VWA8: variants seen among roughly 807,000 people sequenced by gnomAD.
VWA8 encodes the protein von Willebrand factor A domain containing 8, also known as von Willebrand factor A domain-containing protein 8.
VWA8 carries 221 observed loss-of-function variants against 241.5 expected under a neutral mutation model. The observed-to-expected ratio is 0.91, with a 90% CI of 0.82 to 1.02. VWA8 has a LOEUF of 1.02. Ranked by LOEUF, VWA8 falls within the 50% of genes least tolerant of loss-of-function variation. The probability of loss-of-function intolerance (pLI) is 0.00; values close to 1 mark genes in which losing one functional copy is unlikely to be tolerated. For missense variants in VWA8, 2,322 were observed against 2,328.7 expected, an observed-to-expected ratio of 1.00 and a Z score of 0.06; for synonymous variants, 852 against 827.1, an observed-to-expected ratio of 1.03 and a Z score of -0.52.
chr13:41,581,936 T>A (rs1236326122), intron 42 of VWA8, among the ~76,000 whole-genome samples: 4 of 152,174 alleles, frequency 2.6e-5, no homozygotes, highest in African/African-American at 9.7e-5. Flanking sequence ...AGGAAAAAAA[T>A]GCTTCTTGAT....
At chr13:41,664,360 G>A (rs2044972358) in intron 37 of VWA8, among the ~76,000 whole-genome samples, 1 of 149,396 alleles carries the variant, frequency 6.7e-6, no homozygotes, top group Non-Finnish European at 1.5e-5. Flanking sequence ...TATCCATGGG[G>A]TTCTAAAATT....
intron 21 of VWA8, among the ~76,000 whole-genome samples, chr13:41,749,804 A>G (rs1454838258): frequency 7.0e-6 from 1 of 141,902 alleles, no homozygotes; most frequent in Non-Finnish European, 1.5e-5. Flanking sequence ...GAAATGAACA[A>G]TGTGGTGGGA....
chr13:41,920,148 A>G (rs1040246667), intron 2 of VWA8, among the ~76,000 whole-genome samples: 3 of 152,168 alleles, frequency 2.0e-5, no homozygotes, highest in African/African-American at 7.2e-5. Flanking sequence ...GAGTGTCACC[A>G]TCCCAGCATC....
intron 12 of VWA8, among the ~76,000 whole-genome samples, chr13:41,843,683 GA>G (rs577988929): frequency 6.0e-4 from 91 of 151,624 alleles, no homozygotes; most frequent in African/African-American, 2.0e-3. Flanking sequence ...CAGAAATACA[GA>G]TCATCAATCA....
chr13:41,919,631 C>T (rs540281123), intron 2 of VWA8, among the ~76,000 whole-genome samples: 1 of 152,202 alleles, frequency 6.6e-6, no homozygotes, highest in African/African-American at 2.4e-5. Flanking sequence ...CTGCTCCATC[C>T]CCTGCATCCC....
chr13:41,592,164 T>C (rs1175581811), intron 40 of VWA8, among the ~76,000 whole-genome samples: 2 of 146,866 alleles, frequency 1.4e-5, no homozygotes, highest in Non-Finnish European at 3.0e-5. Flanking sequence ...ATGTCCTTTG[T>C]AGGGACATGG....
At chr13:41,673,191 C>T in intron 36 of VWA8, among the ~76,000 whole-genome samples, 1 of 152,122 alleles carries the variant, frequency 6.6e-6, no homozygotes, top group East Asian at 1.9e-4. Context: ...GAAAGCTTGG[C>T]AGTACTACTT....
intron 3 of VWA8, among the ~76,000 whole-genome samples, chr13:41,909,196 C>A (rs887953088): frequency 1.3e-5 from 2 of 151,964 alleles, no homozygotes; most frequent in Non-Finnish European, 1.5e-5. Context: ...GTGGCTGGGA[C>A]TATAGGCATA....
At chr13:41,615,796 TAC>T (rs2044617170) in intron 37 of VWA8, among the ~76,000 whole-genome samples, 1 of 152,324 alleles carries the variant, frequency 6.6e-6, no homozygotes, top group African/African-American at 2.4e-5. Flanking sequence ...TTTCATTCAG[TAC>T]AGTGTCACCA....
intron 39 of VWA8, among the ~76,000 whole-genome samples, chr13:41,609,093 T>C (rs2044570664): frequency 1.3e-5 from 2 of 152,190 alleles, no homozygotes; most frequent in Non-Finnish European, 2.9e-5. Context: ...GTTTGCTACA[T>C]ACCAGGTTCT....
intron 37 of VWA8, among the ~76,000 whole-genome samples, chr13:41,628,346 C>T (rs905342035): frequency 1.3e-5 from 2 of 152,118 alleles, no homozygotes; most frequent in Non-Finnish European, 2.9e-5. Context: ...ACCATTCAAT[C>T]CAGCAACCCC....
At chr13:41,659,032 G>T (rs887383594) in intron 37 of VWA8, among the ~76,000 whole-genome samples, 1 of 152,168 alleles carries the variant, frequency 6.6e-6, no homozygotes, top group Non-Finnish European at 1.5e-5. Context: ...GTCAATGGAT[G>T]AACAAGAAGG....
intron 40 of VWA8, 117 bp downstream of exon 40, chr13:41,605,051 C>T: frequency 1.1e-6 from 1 of 899,554 alleles, no homozygotes; most frequent in Admixed American, 2.5e-5. Context: ...GACATTTTCA[C>T]ACTGAGACAT....
At chr13:41,577,232 G>A (rs2044356018) in intron 42 of VWA8, among the ~76,000 whole-genome samples, 1 of 152,208 alleles carries the variant, frequency 6.6e-6, no homozygotes, top group Admixed American at 6.5e-5. Flanking sequence ...GGGGCCATGG[G>A]TGGGGGTGAG....
intron 37 of VWA8, among the ~76,000 whole-genome samples, chr13:41,638,252 C>T (rs1023696605): frequency 4.6e-5 from 7 of 152,164 alleles, no homozygotes; most frequent in East Asian, 3.8e-4. Context: ...ACATATGATG[C>T]ATTAAAGAAT....
intron 25 of VWA8, among the ~76,000 whole-genome samples, chr13:41,720,437 T>C (rs2045380494): frequency 6.6e-6 from 1 of 152,162 alleles, no homozygotes; most frequent in South Asian, 2.1e-4. Context: ...TAACTGTATA[T>C]ATTTATGGGG....
chr13:41,912,567 AG>A (rs1876063375), intron 2 of VWA8, among the ~76,000 whole-genome samples: 1 of 152,202 alleles, frequency 6.6e-6, no homozygotes, highest in Non-Finnish European at 1.5e-5. Flanking sequence ...ACAATTTTAT[AG>A]TCCAATCTTT....
Position 41,745,183 on chromosome 13 carries a change from A to G in VWA8, c.2427-13028T>C, listed in dbSNP as rs1009818208. Among the ~76,000 whole-genome samples the G allele has an allele frequency of 3.3e-5, 5 of 152,046 alleles. 1 individual carries two copies. The highest frequency in any genetic ancestry group is 3.3e-4 in the Admixed American group (5 of 15,254). On this transcript the variant is annotated intron_variant, in intron 21 of 44. Coordinates refer to ENST00000379310, the MANE Select transcript of VWA8 (RefSeq NM_015058.2). The stretch of plus-strand genomic sequence containing the variant: ...ACTTTAAGTTCTAGGGTACATGTGC[A>G]CAATGTGCAGGTTTGTTACATATGT...
intron 21 of VWA8, among the ~76,000 whole-genome samples, chr13:41,751,760 A>G (rs987890585): frequency 1.3e-5 from 2 of 152,216 alleles, no homozygotes; most frequent in East Asian, 3.8e-4. Flanking sequence ...AACAATAACC[A>G]TCCAAAATGC....
Sources: gnomAD v4.1 joint callset for allele counts (sites outside exome capture counted in the v4.1 genomes callset) on GRCh38, gnomAD v4.1.1 for gene constraint, MANE v1.5 for transcripts, NCBI Gene and HGNC (gene_info 2026-07-23, HGNC 2026-07-21) for gene names.